ARHGAP20: variants seen among roughly 807,000 people sequenced by gnomAD.
The protein encoded by ARHGAP20 is rho GTPase-activating protein 20.
A neutral mutation model predicts 73.7 loss-of-function variants in ARHGAP20; 34 were observed. That is an observed-to-expected ratio of 0.46 (90% CI 0.35 to 0.61). The LOEUF (loss-of-function observed/expected upper bound fraction) is 0.61. ARHGAP20 is among the 20% of genes least tolerant of loss of function. ARHGAP20 has a pLI of 0.00. For missense variants in ARHGAP20, 1,314 were observed against 1,420.9 expected, an observed-to-expected ratio of 0.92 and a Z score of 1.21; for synonymous variants, 523 against 518.2, an observed-to-expected ratio of 1.01 and a Z score of -0.13.
intron 9 of ARHGAP20, among the ~76,000 whole-genome samples, chr11:110,603,318 C>T (rs975184908): frequency 3.3e-5 from 5 of 152,156 alleles, no homozygotes; most frequent in East Asian, 1.9e-4. Flanking sequence ...AAAGAACAGC[C>T]TTTAACCTCT....
At chr11:110,591,067 G>T (rs1266106558) in intron 10 of ARHGAP20, among the ~76,000 whole-genome samples, 1 of 151,986 alleles carries the variant, frequency 6.6e-6, no homozygotes, top group Non-Finnish European at 1.5e-5. Context: ...GGAGGAATAA[G>T]GTCACATGAT....
At chr11:110,581,930 C>CAA (rs35432649) in intron 14 of ARHGAP20, among the ~76,000 whole-genome samples, 23 of 89,204 alleles carry the variant, frequency 2.6e-4, no homozygotes, top group African/African-American at 3.7e-4. Flanking sequence ...AAGGAGAGGA[C>CAA]AAAAAAAAAA....
intron 7 of ARHGAP20, among the ~76,000 whole-genome samples, chr11:110,610,010 A>G (rs1373198158): frequency 6.6e-6 from 1 of 152,162 alleles, no homozygotes; most frequent in Non-Finnish European, 1.5e-5. Flanking sequence ...ATTCCTAGTT[A>G]AATTAACAGT....
At position 110,679,123 on chromosome 11, in the gene ARHGAP20, A is replaced by G. The variant is rs920606166; in HGVS notation, c.188+11424T>C. On this transcript the variant is annotated intron_variant, in intron 2 of 14. Coordinates refer to ENST00000683387, the MANE Select transcript of ARHGAP20 (RefSeq NM_001384657.1). ...ACTGGAGTGGGAGGGTCTGCTTCCA[A>G]GAGCCTTCATGTGGCTATTAGAGCC... Among the ~76,000 whole-genome samples the G allele has an allele frequency of 2.0e-5, 3 of 152,162 alleles. No homozygotes were observed. The East Asian group carries it at 5.8e-4, about 29-fold the overall frequency.
chr11:110,586,422 C>T (rs536938575), intron 11 of ARHGAP20, 97 bp from the exon 12 acceptor site: 32 of 645,448 alleles, frequency 5.0e-5, no homozygotes, highest in Middle Eastern at 4.5e-4. Flanking sequence ...AGTTCCCTTA[C>T]GTACTCTCTT....
At chr11:110,604,971 G>C (rs1948190042) in intron 9 of ARHGAP20, among the ~76,000 whole-genome samples, 1 of 152,162 alleles carries the variant, frequency 6.6e-6, no homozygotes, top group East Asian at 1.9e-4. Flanking sequence ...CACCCAGTAT[G>C]AAGTGCCCAT....
intron 2 of ARHGAP20, among the ~76,000 whole-genome samples, chr11:110,647,436 A>C (rs1229785789): frequency 6.6e-6 from 1 of 152,092 alleles, no homozygotes; most frequent in Non-Finnish European, 1.5e-5. Context: ...AGGACAGACA[A>C]GGGTTTCCAA....
intron 1 of ARHGAP20, among the ~76,000 whole-genome samples, chr11:110,703,205 T>C (rs1190790163): frequency 6.6e-6 from 1 of 152,166 alleles, no homozygotes; most frequent in African/African-American, 2.4e-5. Context: ...ATAAATGTAA[T>C]TACAGTACAG....
intron 1 of ARHGAP20, among the ~76,000 whole-genome samples, chr11:110,705,781 T>C (rs1486895874): frequency 6.6e-6 from 1 of 152,132 alleles, no homozygotes; most frequent in Non-Finnish European, 1.5e-5. Context: ...TGGAATCATC[T>C]GAGGCTTAGG....
intron 13 of ARHGAP20, 26 bp downstream of exon 13, chr11:110,583,522 G>A (rs188034242): frequency 1.9e-6 from 3 of 1,547,040 alleles, no homozygotes; most frequent in African/African-American, 2.7e-5. Flanking sequence ...AGTCTCCCAG[G>A]GCATAAAAAT....
intron 2 of ARHGAP20, among the ~76,000 whole-genome samples, chr11:110,657,908 GAAAA>G (rs1230446578): frequency 2.2e-5 from 3 of 137,386 alleles, no homozygotes; most frequent in African/African-American, 8.2e-5. Flanking sequence ...AAAAAAGAAA[GAAAA>G]AGAGAGAGAG....
Position 110,688,999 on chromosome 11 carries a change from G to GTTTT in ARHGAP20, c.188+1544_188+1547dup, listed in dbSNP as rs745669809. ...TGAAAAACTTCCATACTTTCATATA[G>GTTTT]TTTTTTTTTTTTTTTTGGAGATGGA... On this transcript the variant is annotated intron_variant, in intron 2 of 14. Coordinates refer to ENST00000683387, the MANE Select transcript of ARHGAP20 (RefSeq NM_001384657.1). Among the ~76,000 whole-genome samples the GTTTT allele has an allele frequency of 8.0e-5, 11 of 137,606 alleles. 3 individuals carry two copies. Among genetic ancestry groups the GTTTT allele is most frequent in the Non-Finnish European group, 1.2e-4 (8 of 64,038 alleles). 90.3% of individuals were successfully genotyped at this position (137,606 alleles called of 152,430 possible).
At chr11:110,694,803 G>A (rs928954203) in intron 1 of ARHGAP20, among the ~76,000 whole-genome samples, 7 of 151,286 alleles carry the variant, frequency 4.6e-5, no homozygotes, top group Admixed American at 4.0e-4. Context: ...CCCAAATCCC[G>A]GTATAATGCC....
intron 13 of ARHGAP20, among the ~76,000 whole-genome samples, chr11:110,583,318 T>C (rs1368448761): frequency 6.6e-6 from 1 of 152,188 alleles, no homozygotes; most frequent in African/African-American, 2.4e-5. Context: ...TTTATCACTT[T>C]ATGGTTTTAA....
At chr11:110,673,925 T>A (rs932071772) in intron 2 of ARHGAP20, among the ~76,000 whole-genome samples, 5 of 150,946 alleles carry the variant, frequency 3.3e-5, no homozygotes, top group Admixed American at 2.0e-4. Context: ...ACTTAATAGT[T>A]GTGAGAACGA....
intron 1 of ARHGAP20, among the ~76,000 whole-genome samples, chr11:110,694,508 GTTT>G (rs1950300460): frequency 2.6e-5 from 4 of 151,664 alleles, no homozygotes; most frequent in Non-Finnish European, 5.9e-5. Context: ...CCAGTAATTT[GTTT>G]TTTATCTTTT....
At chr11:110,590,042 A>T (rs182975510) in intron 11 of ARHGAP20, among the ~76,000 whole-genome samples, 34 of 150,618 alleles carry the variant, frequency 2.3e-4, no homozygotes, top group Non-Finnish European at 7.4e-5. Context: ...AATCACTTGA[A>T]CCCAGGAGGT....
chr11:110,710,672 G>A (rs1950631864), intron 1 of ARHGAP20, among the ~76,000 whole-genome samples: 1 of 152,138 alleles, frequency 6.6e-6, no homozygotes, highest in South Asian at 2.1e-4. Context: ...ATACATCAAA[G>A]GCTGAGCTGG....
chr11:110,590,147 A>C (rs1947787431), intron 11 of ARHGAP20, among the ~76,000 whole-genome samples: 1 of 151,608 alleles, frequency 6.6e-6, no homozygotes, highest in Admixed American at 6.6e-5. Context: ...AAGGGAAGGC[A>C]TGATGATTAT....
Sources: gnomAD v4.1 joint callset for allele counts (sites outside exome capture counted in the v4.1 genomes callset) on GRCh38, gnomAD v4.1.1 for gene constraint, MANE v1.5 for transcripts, NCBI Gene and HGNC (gene_info 2026-07-23, HGNC 2026-07-21) for gene names.